SIPA1L1: variants seen among roughly 807,000 people sequenced by gnomAD.
SIPA1L1 encodes the protein signal-induced proliferation-associated 1-like protein 1.
In SIPA1L1, 26 loss-of-function variants were observed where a neutral mutation model predicts 162.7. That is an observed-to-expected ratio of 0.16 (90% confidence interval 0.12 to 0.22). The LOEUF is 0.22. SIPA1L1 is among the 10% of genes least tolerant of loss of function. SIPA1L1 has a pLI of 1.00. For missense variants in SIPA1L1, 1,874 were observed against 2,241.0 expected, an observed-to-expected ratio of 0.84 and a Z score of 3.31; for synonymous variants, 829 against 837.4, an observed-to-expected ratio of 0.99 and a Z score of 0.17.
chr14:71,550,024 T>TGAGCA (rs10658315), intron 4 of SIPA1L1, among the ~76,000 whole-genome samples: 126,649 of 151,676 alleles, frequency 0.83, 53,481 homozygotes, highest in African/African-American at 0.95. Flanking sequence ...TTTGGGAGGC[T>TGAGCA]GAGGTAGGAG....
At chr14:71,605,859 C>T (rs2037429128) in intron 5 of SIPA1L1, among the ~76,000 whole-genome samples, 1 of 152,096 alleles carries the variant, frequency 6.6e-6, no homozygotes, top group Non-Finnish European at 1.5e-5. Context: ...CTACAGGTAG[C>T]TTGCTTGGAT....
chr14:71,433,142 C>G (rs1440845083), intron 2 of SIPA1L1, among the ~76,000 whole-genome samples: 1 of 152,164 alleles, frequency 6.6e-6, no homozygotes, highest in African/African-American at 2.4e-5. Flanking sequence ...AGAGCTAAGG[C>G]TTAGAACTCT....
At chr14:71,383,769 C>T (rs1014648872) in intron 2 of SIPA1L1, among the ~76,000 whole-genome samples, 18 of 151,950 alleles carry the variant, frequency 1.2e-4, no homozygotes, top group Admixed American at 6.6e-5. Flanking sequence ...TCACTTATCA[C>T]CAAGGGGATG....
chr14:71,382,305 T>C (rs1478707572), intron 2 of SIPA1L1, among the ~76,000 whole-genome samples: 1 of 152,192 alleles, frequency 6.6e-6, no homozygotes, highest in Non-Finnish European at 1.5e-5. Flanking sequence ...AGCCAAGTGT[T>C]TGGGGTGGTT....
At chr14:71,491,814 C>CACACA (rs766383755) in intron 2 of SIPA1L1, among the ~76,000 whole-genome samples, 2 of 68,974 alleles carry the variant, frequency 2.9e-5, no homozygotes, top group Admixed American at 2.4e-4. Context: ...ACACACACAC[C>CACACA]CCTTCCCCCG....
At chr14:71,647,285 A>G (rs1202733589) in intron 7 of SIPA1L1, among the ~76,000 whole-genome samples, 1 of 152,020 alleles carries the variant, frequency 6.6e-6, no homozygotes, top group African/African-American at 2.4e-5. Flanking sequence ...GGTGGAGCTC[A>G]CTAGGGTATA....
At position 71,395,833 on chromosome 14, in the gene SIPA1L1, C is replaced by T. The variant is rs564190255; in HGVS notation, c.-465+74652C>T. Among the ~76,000 whole-genome samples, 339 of 152,222 alleles carry T rather than the reference C, an allele frequency of 2.2e-3. 1 individual carries two copies. The highest frequency in any genetic ancestry group is 7.8e-3 in the African/African-American group (324 of 41,540). ...ATGAAAACTATGCGCCAAGTACTTG[C>T]TAGAAACTCTATATATGTTATTTTA... is the stretch of plus-strand genomic sequence containing the variant. On this transcript the variant is annotated intron_variant, in intron 2 of 23. Transcript: ENST00000381232.
intron 2 of SIPA1L1, among the ~76,000 whole-genome samples, chr14:71,436,836 C>G (rs1489048910): frequency 6.7e-6 from 1 of 149,066 alleles, no homozygotes; most frequent in Non-Finnish European, 1.5e-5. Flanking sequence ...ACGATCTCGG[C>G]TCACTGCAAC....
At chr14:71,503,162 T>TG (rs761383678) in intron 2 of SIPA1L1, among the ~76,000 whole-genome samples, 26 of 152,030 alleles carry the variant, frequency 1.7e-4, no homozygotes, top group Non-Finnish European at 2.9e-4. Context: ...TATTTAAAAA[T>TG]GGGAAGATCT....
At chr14:71,531,217 A>G (rs886517944) in intron 4 of SIPA1L1, among the ~76,000 whole-genome samples, 2 of 151,224 alleles carry the variant, frequency 1.3e-5, no homozygotes, top group Non-Finnish European at 2.9e-5. Flanking sequence ...AAATAGCTCT[A>G]TTCATTCTGT....
chr14:71,389,299 T>TA (rs375201835), intron 2 of SIPA1L1, among the ~76,000 whole-genome samples: 1 of 152,188 alleles, frequency 6.6e-6, no homozygotes, highest in African/African-American at 2.4e-5. Context: ...AAATGAGTTG[T>TA]ACAAGGCATC....
At chr14:71,467,866 A>AG (rs1031134249) in intron 2 of SIPA1L1, among the ~76,000 whole-genome samples, 10 of 151,840 alleles carry the variant, frequency 6.6e-5, no homozygotes, top group Middle Eastern at 3.4e-3. Flanking sequence ...AAAAAAAAAA[A>AG]AAAGAAAGAA....
At chr14:71,414,928 G>T (rs1171190742) in intron 2 of SIPA1L1, among the ~76,000 whole-genome samples, 1 of 152,178 alleles carries the variant, frequency 6.6e-6, no homozygotes, top group Admixed American at 6.5e-5. Flanking sequence ...ACAGCTTAAT[G>T]CAGATTAAGG....
At chr14:71,423,735 CAG>C (rs1170221086) in intron 2 of SIPA1L1, among the ~76,000 whole-genome samples, 2 of 152,126 alleles carry the variant, frequency 1.3e-5, no homozygotes, top group Non-Finnish European at 2.9e-5. Flanking sequence ...GTTTTGAAAT[CAG>C]AAAGTATGAG....
In SIPA1L1 at chr14:71,469,086, T is replaced by C; in HGVS notation, c.-464-43657T>C. On this transcript the variant is annotated intron_variant, in intron 2 of 23. Transcript: ENST00000381232. ...TTTTGGAATGGTCTGGAATGCTCTC[T>C]TCTTAACCTCAACCTCTCTGAGACC... Among the ~76,000 whole-genome samples, 2 of 152,142 alleles carry C rather than the reference T, an allele frequency of 1.3e-5. 1 individual carries two copies.
chr14:71,668,919 A>G (rs2044265419), intron 10 of SIPA1L1, among the ~76,000 whole-genome samples: 2 of 152,228 alleles, frequency 1.3e-5, no homozygotes, highest in African/African-American at 4.8e-5. Flanking sequence ...TACATGCAGC[A>G]AACTGAGATT....
rs117701252 is a variant in SIPA1L1 at position 71,536,561 on chromosome 14, C to T, written c.-303+7191C>T. Among the ~76,000 whole-genome samples the T allele has an allele frequency of 4.1e-3, 627 of 152,212 alleles. 2 individuals are homozygous for T. Among genetic ancestry groups the T allele is most frequent in the Admixed American group, 8.2e-3 (126 of 15,288 alleles). On this transcript the variant is annotated intron_variant, in intron 4 of 23. Coordinates refer to ENST00000381232, the MANE Select transcript of SIPA1L1 (RefSeq NM_001386936.1). ...GGAACAGTGTCTATTTAGATTTTAGCCTGGAATTCTTTTGGAAACTCCACC... is the reference window on the plus strand; with the variant it reads ...GGAACAGTGTCTATTTAGATTTTAGTCTGGAATTCTTTTGGAAACTCCACC...
intron 22 of SIPA1L1, among the ~76,000 whole-genome samples, chr14:71,737,006 C>G (rs995506321): frequency 1.3e-5 from 2 of 152,180 alleles, no homozygotes; most frequent in African/African-American, 4.8e-5. Flanking sequence ...TTCAGCCCAC[C>G]CAAAATCGGA....
intron 14 of SIPA1L1, among the ~76,000 whole-genome samples, chr14:71,701,030 A>G (rs1346265761): frequency 7.8e-6 from 1 of 128,758 alleles, no homozygotes; most frequent in Non-Finnish European, 1.6e-5. Context: ...AAAAAAAAAA[A>G]AAAAGTTTTA....
Sources: allele counts gnomAD v4.1 joint callset (sites outside exome capture counted in the v4.1 genomes callset), GRCh38; gene constraint gnomAD v4.1.1; transcripts MANE v1.5; gene names NCBI Gene and HGNC (gene_info 2026-07-23, HGNC 2026-07-21).